Variants in ICA1 observed in about 807,000 individuals in gnomAD.
The protein encoded by ICA1 is islet cell autoantigen 1.
Under a neutral mutation model 71.0 loss-of-function variants are expected in ICA1, and 40 were observed. The observed-to-expected ratio is 0.56, with a 90% CI of 0.44 to 0.73. The LOEUF (loss-of-function observed/expected upper bound fraction) is 0.73. Ranked by LOEUF, ICA1 falls within the 30% of genes least tolerant of loss-of-function variation. The probability of loss-of-function intolerance (pLI) is 0.00; values close to 1 mark genes in which losing one functional copy is unlikely to be tolerated. For synonymous variants in ICA1, 207 were observed against 209.5 expected (o/e 0.99, Z 0.10); for missense variants, 578 against 576.5 (o/e 1.00, Z -0.03).
At chr7:8,196,148 T>C (rs1212066261) in intron 6 of ICA1, among the ~76,000 whole-genome samples, 4 of 152,094 alleles carry the variant, frequency 2.6e-5, no homozygotes, top group African/African-American at 4.8e-5. Flanking sequence ...CTGTGATACA[T>C]CCAGACAATG....
At chr7:8,185,183 T>C (rs1783527923) in intron 6 of ICA1, among the ~76,000 whole-genome samples, 1 of 152,106 alleles carries the variant, frequency 6.6e-6, no homozygotes, top group Non-Finnish European at 1.5e-5. Context: ...TTAAACAATA[T>C]TATGAAACAG....
intron 8 of ICA1, among the ~76,000 whole-genome samples, chr7:8,152,199 C>G (rs903801733): frequency 6.6e-6 from 1 of 152,036 alleles, no homozygotes; most frequent in Admixed American, 6.5e-5. Context: ...TTGGGTTACC[C>G]TGGGGTGAGA....
chr7:8,235,119 G>A (rs1342316425), intron 2 of ICA1, among the ~76,000 whole-genome samples: 5 of 151,746 alleles, frequency 3.3e-5, no homozygotes, highest in Non-Finnish European at 7.4e-5. Flanking sequence ...AGCTGAGATT[G>A]CACCACTGAA....
At chr7:8,239,173 C>T (rs987749382) in intron 1 of ICA1, among the ~76,000 whole-genome samples, 22 of 152,330 alleles carry the variant, frequency 1.4e-4, no homozygotes, top group Middle Eastern at 3.4e-3. Context: ...TATGTTCTAA[C>T]TCTACATACC....
At chr7:8,124,186 T>C (rs1788161062) in intron 13 of ICA1, among the ~76,000 whole-genome samples, 1 of 145,956 alleles carries the variant, frequency 6.9e-6, no homozygotes, top group Non-Finnish European at 1.5e-5. Flanking sequence ...AGTGGCGGGA[T>C]CTCGGCTCAC....
At chr7:8,250,972 C>T (rs1242792310) in intron 1 of ICA1, among the ~76,000 whole-genome samples, 1 of 112,624 alleles carries the variant, frequency 8.9e-6, no homozygotes, top group African/African-American at 5.8e-5. Context: ...GACATTACAG[C>T]TCATGCAGCC....
rs1404404861 is a variant in ICA1 at position 8,236,020 on chromosome 7, A to G, written c.-79-15T>C. 7.8e-7 allele frequency: 1 copy of G among 1,284,984 alleles called. No homozygotes were observed. The highest frequency in any genetic ancestry group is 1.1e-6 in the Non-Finnish European group (1 of 893,670). The allele number at this position is 1,284,984 out of a possible 1,614,324, so 79.6% of individuals were successfully genotyped here. The stretch of plus-strand genomic sequence containing the variant: ...TATATTATAACCTGAAATAAAACAA[A>G]TATGTTTAATAGTTACACACCATAT... On this transcript the variant is annotated splice_polypyrimidine_tract_variant and intron_variant, in intron 1 of 13. Transcript: ENST00000402384.
chr7:8,171,031 A>G (rs542738041), intron 6 of ICA1, among the ~76,000 whole-genome samples: 15 of 151,886 alleles, frequency 9.9e-5, no homozygotes, highest in African/African-American at 3.4e-4. Context: ...CCCCATCATC[A>G]TTTCCTTTTG....
upstream of ICA1, chr7:8,262,488 A>G (rs1197611140): frequency 6.7e-6 from 1 of 150,366 alleles, no homozygotes; most frequent in Non-Finnish European, 1.5e-5. Flanking sequence ...CTCTCTCTCT[A>G]CTCCCCGGGG....
chr7:8,152,953 C>T (rs1342883911), intron 8 of ICA1, among the ~76,000 whole-genome samples: 2 of 150,904 alleles, frequency 1.3e-5, no homozygotes, highest in South Asian at 2.1e-4. Flanking sequence ...TCTTCCACCA[C>T]TACCATCATC....
At chr7:8,160,568 G>A (rs1159566688) in intron 6 of ICA1, among the ~76,000 whole-genome samples, 3 of 152,196 alleles carry the variant, frequency 2.0e-5, no homozygotes. Context: ...TTCCCTGAAG[G>A]ATTCTATGGA....
At chr7:8,218,807 C>A in intron 5 of ICA1, 1 of 424,506 alleles carries the variant, frequency 2.4e-6, no homozygotes, top group East Asian at 5.1e-5. Context: ...GAAGCTGGGG[C>A]CAATCCCGTG....
At chr7:8,125,089 G>A (rs1378255055) in intron 13 of ICA1, among the ~76,000 whole-genome samples, 3 of 152,062 alleles carry the variant, frequency 2.0e-5, no homozygotes, top group African/African-American at 7.2e-5. Flanking sequence ...TTGCCCGGGT[G>A]GTAACTCCTT....
intron 6 of ICA1, among the ~76,000 whole-genome samples, chr7:8,207,617 G>T (rs1227032655): frequency 6.6e-6 from 1 of 152,182 alleles, no homozygotes; most frequent in African/African-American, 2.4e-5. Context: ...GAGACAAAGC[G>T]AAGACACTTT....
intron 6 of ICA1, among the ~76,000 whole-genome samples, chr7:8,211,525 T>C (rs1422607733): frequency 1.8e-5 from 1 of 56,976 alleles, no homozygotes; most frequent in Non-Finnish European, 3.2e-5. Context: ...TAGTGCTCTG[T>C]AGGAGTGGGA....
At chr7:8,127,485 G>C (rs570255481) in intron 13 of ICA1, among the ~76,000 whole-genome samples, 1 of 152,120 alleles carries the variant, frequency 6.6e-6, no homozygotes, top group African/African-American at 2.4e-5. Context: ...AAGAAGCCCC[G>C]TGCAATGTCA....
At chr7:8,161,428 C>T (rs1255757062) in intron 6 of ICA1, among the ~76,000 whole-genome samples, 1 of 152,160 alleles carries the variant, frequency 6.6e-6, no homozygotes. Flanking sequence ...CTAATGGCCT[C>T]CCTGTATTCT....
chr7:8,237,835 C>CACAA lies in ICA1; in HGVS notation c.-79-1831_-79-1830insTTGT, dbSNP rs1554373648. On this transcript the variant is annotated intron_variant, in intron 1 of 13. Coordinates refer to ENST00000402384, the MANE Select transcript of ICA1 (RefSeq NM_001136020.3). The stretch of plus-strand genomic sequence containing the variant: ...TTGAAGACAGACACACACACACACA[C>CACAA]ACACACACACACACACACCATTTTC... 8.8e-3 allele frequency among the ~76,000 whole-genome samples: 1,332 copies of CACAA among 151,840 alleles called. 23 individuals are homozygous for CACAA. Among genetic ancestry groups the CACAA allele is most frequent in the African/African-American group, 0.03 (1,232 of 41,362 alleles).
intron 1 of ICA1, among the ~76,000 whole-genome samples, chr7:8,258,414 AT>A (rs1234867054): frequency 1.3e-5 from 2 of 152,144 alleles, no homozygotes; most frequent in African/African-American, 4.8e-5. Context: ...GCAGGCCATC[AT>A]TTCCCCACCT....
Sources: gnomAD v4.1 joint callset for allele counts (sites outside exome capture counted in the v4.1 genomes callset) on GRCh38, gnomAD v4.1.1 for gene constraint, MANE v1.5 for transcripts, NCBI Gene and HGNC (gene_info 2026-07-23, HGNC 2026-07-21) for gene names.